The following TAMM41 variants were observed in gnomAD, a reference collection of about 807,000 sequenced individuals.
The protein encoded by TAMM41 is TAM41 mitochondrial translocator assembly and maintenance homolog.
TAMM41 carries 36 observed loss-of-function variants against 44.1 expected under a neutral mutation model. The observed-to-expected ratio is 0.82, with a 90% CI of 0.63 to 1.08. TAMM41 has a LOEUF of 1.08. Ranked by LOEUF, TAMM41 falls within the 50% of genes least tolerant of loss-of-function variation. The pLI, the probability that TAMM41 is intolerant of heterozygous loss-of-function variation, is 0.00. For synonymous variants in TAMM41, 164 were observed against 153.1 expected (o/e 1.07, Z -0.53); for missense variants, 417 against 404.3 (o/e 1.03, Z -0.27).
downstream of TAMM41, among the ~76,000 whole-genome samples, chr3:11,786,286 T>TTTTTTATTA (rs2077416907): frequency 5.8e-5 from 8 of 138,854 alleles, no homozygotes; most frequent in South Asian, 2.2e-4. Flanking sequence ...TTTATTTAAT[T>TTTTTTATTA]TTATTATTAT....
At chr3:11,774,012 C>T in the TAMM41 span, among the ~76,000 whole-genome samples, 2 of 152,080 alleles carry the variant, frequency 1.3e-5, no homozygotes, top group Non-Finnish European at 2.9e-5. Flanking sequence ...TCACTTGAAC[C>T]AGGAAGGAGA....
the TAMM41 span, among the ~76,000 whole-genome samples, chr3:11,726,815 A>G: frequency 2.6e-5 from 4 of 151,264 alleles, no homozygotes; most frequent in Admixed American, 6.6e-5. Context: ...AAAAAAAAAA[A>G]AAAGAAAAAA....
the TAMM41 span, among the ~76,000 whole-genome samples, chr3:11,729,049 G>T: frequency 1.3e-5 from 2 of 151,606 alleles, no homozygotes; most frequent in South Asian, 4.2e-4. Flanking sequence ...GGGAGTCGGT[G>T]ATGTGTGTTC....
chr3:11,746,634 A>G, the TAMM41 span, among the ~76,000 whole-genome samples: 5 of 143,834 alleles, frequency 3.5e-5, no homozygotes, highest in Non-Finnish European at 1.5e-5. Flanking sequence ...TAGGATTGCT[A>G]TTTATTATTA....
chr3:11,722,598 A>G, the TAMM41 span, among the ~76,000 whole-genome samples: 14,387 of 152,250 alleles, frequency 0.094, 2,214 homozygotes, highest in African/African-American at 0.32. Context: ...AGTGGTACAT[A>G]TATCTGCAAT....
chr3:11,792,511 C>G (rs2077504039), intron 7 of TAMM41, among the ~76,000 whole-genome samples: 1 of 152,202 alleles, frequency 6.6e-6, no homozygotes, highest in Non-Finnish European at 1.5e-5. Flanking sequence ...AGGTGCACTT[C>G]TGTGCAGGGC....
intron 3 of TAMM41, among the ~76,000 whole-genome samples, chr3:11,836,682 T>G (rs1241208515): frequency 6.6e-6 from 1 of 152,134 alleles, no homozygotes; most frequent in East Asian, 1.9e-4. Flanking sequence ...CAGGCTGGTC[T>G]CGAACTCCTG....
intron 2 of TAMM41, chr3:11,843,729 A>T (rs903643565): frequency 6.5e-5 from 18 of 276,876 alleles, no homozygotes; most frequent in African/African-American, 3.7e-4. Context: ...AAAAATAAAA[A>T]AAATAAAATA....
chr3:11,739,070 T>C, the TAMM41 span, among the ~76,000 whole-genome samples: 3 of 152,290 alleles, frequency 2.0e-5, no homozygotes, highest in Admixed American at 2.0e-4. Context: ...CTTTTGTGCC[T>C]CTATGCTTTG....
the TAMM41 span, among the ~76,000 whole-genome samples, chr3:11,738,428 C>T: frequency 6.6e-6 from 1 of 152,146 alleles, no homozygotes; most frequent in African/African-American, 2.4e-5. Flanking sequence ...TGTAACTGGT[C>T]AATACATGGT....
At chr3:11,828,623 C>T (rs541211933) in intron 4 of TAMM41, among the ~76,000 whole-genome samples, 5 of 152,310 alleles carry the variant, frequency 3.3e-5, no homozygotes, top group Admixed American at 1.3e-4. Flanking sequence ...CACAGGGCCA[C>T]GCCACTCTTT....
chr3:11,727,455 A>T, the TAMM41 span, among the ~76,000 whole-genome samples: 1 of 152,166 alleles, frequency 6.6e-6, no homozygotes, highest in Non-Finnish European at 1.5e-5. Context: ...CTGCTTGCTT[A>T]CAGATGTTAC....
chr3:11,832,277 G>GA (rs1212238133), intron 3 of TAMM41, among the ~76,000 whole-genome samples: 1 of 89,526 alleles, frequency 1.1e-5, no homozygotes, highest in Non-Finnish European at 1.9e-5. Flanking sequence ...GAAACATTCA[G>GA]AAAAACAAAA....
At chr3:11,775,691 G>C in the TAMM41 span, among the ~76,000 whole-genome samples, 5 of 152,172 alleles carry the variant, frequency 3.3e-5, no homozygotes, top group Non-Finnish European at 7.3e-5. Flanking sequence ...CAATAGCCAA[G>C]ATATGGAAAC....
the TAMM41 span, among the ~76,000 whole-genome samples, chr3:11,784,804 T>TC: frequency 6.7e-5 from 10 of 148,184 alleles, no homozygotes; most frequent in East Asian, 2.0e-4. Context: ...TTCTTTTTTT[T>TC]TTTTTTTTTT....
At chr3:11,770,069 G>C in the TAMM41 span, among the ~76,000 whole-genome samples, 1 of 152,202 alleles carries the variant, frequency 6.6e-6, no homozygotes, top group African/African-American at 2.4e-5. Context: ...CCAGTTAATT[G>C]AGGTAAAGAA....
At chr3:11,732,740 A>G in the TAMM41 span, among the ~76,000 whole-genome samples, 8 of 152,180 alleles carry the variant, frequency 5.3e-5, no homozygotes. Flanking sequence ...CCGTGCCACA[A>G]TCTAGGGGAA....
At chr3:11,770,689 TAC>T in the TAMM41 span, among the ~76,000 whole-genome samples, 2 of 152,102 alleles carry the variant, frequency 1.3e-5, no homozygotes, top group Non-Finnish European at 2.9e-5. Context: ...CTGAGCCACA[TAC>T]CAGGAAGGTG....
chr3:11,726,570 G>A, the TAMM41 span, among the ~76,000 whole-genome samples: 2 of 152,204 alleles, frequency 1.3e-5, no homozygotes, highest in Admixed American at 1.3e-4. Flanking sequence ...GGGAGGCTGA[G>A]GTGGGTGGAT....
Sources: allele counts gnomAD v4.1 joint callset (sites outside exome capture counted in the v4.1 genomes callset), GRCh38; gene constraint gnomAD v4.1.1; transcripts MANE v1.5; gene names NCBI Gene and HGNC (gene_info 2026-07-23, HGNC 2026-07-21).